DPP10: variants seen among roughly 807,000 people sequenced by gnomAD.
DPP10 encodes dipeptidyl peptidase like 10, also known as inactive dipeptidyl peptidase 10.
A neutral mutation model predicts 120.9 loss-of-function variants in DPP10; 33 were observed. The ratio of observed to expected loss-of-function variants is 0.27; its 90% CI spans 0.21 to 0.37. The LOEUF is 0.37. Ranked by LOEUF, DPP10 falls within the 10% of genes least tolerant of loss-of-function variation. The pLI, the probability that DPP10 is intolerant of heterozygous loss-of-function variation, is 1.00. For synonymous variants in DPP10, 337 were observed against 326.1 expected (o/e 1.03, Z -0.36); for missense variants, 816 against 942.8 (o/e 0.87, Z 1.76).
chr2:114,510,983 G>A (rs992994667), intron 1 of DPP10, among the ~76,000 whole-genome samples: 3 of 152,204 alleles, frequency 2.0e-5, no homozygotes, highest in East Asian at 1.9e-4. Context: ...AGCATTAGAC[G>A]CAAAAGGTAT....
At chr2:115,335,198 C>A (rs1276839438) in intron 2 of DPP10, among the ~76,000 whole-genome samples, 3 of 151,926 alleles carry the variant, frequency 2.0e-5, no homozygotes, top group Non-Finnish European at 4.4e-5. Flanking sequence ...AAGGAAAGAC[C>A]TGACCCCATA....
At chr2:114,698,648 A>G (rs920605538) in intron 1 of DPP10, among the ~76,000 whole-genome samples, 1 of 152,094 alleles carries the variant, frequency 6.6e-6, no homozygotes, top group Non-Finnish European at 1.5e-5. Flanking sequence ...CAGGAGAACA[A>G]GGCTCAATCA....
chr2:114,986,604 C>T (rs539597048), intron 1 of DPP10, among the ~76,000 whole-genome samples: 1 of 152,108 alleles, frequency 6.6e-6, no homozygotes, highest in East Asian at 1.9e-4. Flanking sequence ...AACATGAATT[C>T]ATTTAAAAAA....
At chr2:114,711,147 AC>A (rs1226903001) in intron 1 of DPP10, among the ~76,000 whole-genome samples, 2 of 152,114 alleles carry the variant, frequency 1.3e-5, no homozygotes, top group East Asian at 3.9e-4. Flanking sequence ...TTACCCATTT[AC>A]CCATCAACGT....
In DPP10 at chr2:115,125,568, C is replaced by CTTTTTTTT. The variant is rs57686926; in HGVS notation, c.61-183658_61-183651dup. Among the ~76,000 whole-genome samples the CTTTTTTTT allele has an allele frequency of 8.0e-5, 9 of 112,188 alleles. 1 individual carries two copies. The highest frequency in any genetic ancestry group is 3.1e-4 in the East Asian group (1 of 3,210). 73.6% of individuals were successfully genotyped at this position (112,188 alleles called of 152,430 possible). ...ACCTAAGTTCAATAGATCATAATGG[C>CTTTTTTTT]TTTTTTTTTTTTTTTTTTTTGAGAC... is the stretch of plus-strand genomic sequence containing the variant. On this transcript the variant is annotated intron_variant, in intron 1 of 25. Coordinates refer to ENST00000410059, the MANE Select transcript of DPP10 (RefSeq NM_020868.6).
chr2:115,472,350 A>G (rs1019642859), intron 3 of DPP10, among the ~76,000 whole-genome samples: 1 of 152,216 alleles, frequency 6.6e-6, no homozygotes, highest in Non-Finnish European at 1.5e-5. Context: ...AATATGAACT[A>G]AAAATGCTAT....
intron 1 of DPP10, among the ~76,000 whole-genome samples, chr2:114,644,116 G>C (rs1022051225): frequency 7.0e-5 from 8 of 114,834 alleles, no homozygotes; most frequent in Admixed American, 2.7e-4. Flanking sequence ...TTTTTTTTTT[G>C]TATTTTTAGT....
chr2:114,521,057 T>C (rs1397154879), intron 1 of DPP10, among the ~76,000 whole-genome samples: 2 of 151,682 alleles, frequency 1.3e-5, no homozygotes, highest in Non-Finnish European at 1.5e-5. Flanking sequence ...ACAAGACCCA[T>C]AGAGTAAAGG....
At chr2:115,491,719 C>T (rs1384811880) in intron 3 of DPP10, among the ~76,000 whole-genome samples, 1 of 152,014 alleles carries the variant, frequency 6.6e-6, no homozygotes. Context: ...GTCATGCTGA[C>T]CTTAGCCATT....
At chr2:115,775,689 G>T (rs1416649065) in intron 13 of DPP10, among the ~76,000 whole-genome samples, 1 of 151,970 alleles carries the variant, frequency 6.6e-6, no homozygotes, top group Non-Finnish European at 1.5e-5. Context: ...TATGACATGG[G>T]TATCATCTTG....
chr2:114,822,613 T>G (rs1041152255), intron 1 of DPP10, among the ~76,000 whole-genome samples: 3 of 146,222 alleles, frequency 2.1e-5, no homozygotes, highest in Non-Finnish European at 3.0e-5. Flanking sequence ...TTTCCAAACT[T>G]TTTTTTTTTT....
intron 3 of DPP10, among the ~76,000 whole-genome samples, chr2:115,497,508 A>G (rs373419265): frequency 1.3e-5 from 2 of 152,160 alleles, no homozygotes; most frequent in East Asian, 3.9e-4. Flanking sequence ...TGCTCTATTT[A>G]TCTCCATGAT....
At chr2:114,962,972 A>G (rs568450031) in intron 1 of DPP10, among the ~76,000 whole-genome samples, 5 of 152,212 alleles carry the variant, frequency 3.3e-5, no homozygotes, top group Non-Finnish European at 5.9e-5. Context: ...AGTCTTGTTA[A>G]GTTCCTCAAC....
intron 2 of DPP10, among the ~76,000 whole-genome samples, chr2:115,322,957 A>G (rs2062143849): frequency 6.6e-6 from 1 of 152,176 alleles, no homozygotes; most frequent in Admixed American, 6.5e-5. Flanking sequence ...CTTGATGTTG[A>G]TGACTGCTAA....
intron 3 of DPP10, among the ~76,000 whole-genome samples, chr2:115,380,083 T>C (rs1293853453): frequency 3.9e-5 from 6 of 152,062 alleles, no homozygotes; most frequent in Admixed American, 2.0e-4. Context: ...TGGTGCAGAG[T>C]TGAGTTCAAT....
chr2:115,351,455 A>C (rs960544508), intron 3 of DPP10, among the ~76,000 whole-genome samples: 5 of 152,080 alleles, frequency 3.3e-5, no homozygotes, highest in African/African-American at 9.7e-5. Context: ...GGATCAATGA[A>C]GTCCAAATCT....
At chr2:115,145,946 T>C (rs2051199424) in intron 1 of DPP10, among the ~76,000 whole-genome samples, 1 of 152,190 alleles carries the variant, frequency 6.6e-6, no homozygotes, top group Admixed American at 6.6e-5. Context: ...ATACTACCAC[T>C]GCTGCCATTA....
chr2:114,563,584 T>C (rs1688944425), intron 1 of DPP10, among the ~76,000 whole-genome samples: 1 of 152,150 alleles, frequency 6.6e-6, no homozygotes, highest in African/African-American at 2.4e-5. Flanking sequence ...ATGTAAACAA[T>C]ATTCTATTGA....
intron 5 of DPP10, among the ~76,000 whole-genome samples, chr2:115,679,694 C>A (rs2090516143): frequency 6.6e-6 from 1 of 152,074 alleles, no homozygotes; most frequent in Non-Finnish European, 1.5e-5. Context: ...TTATTTGCAT[C>A]AACATGGATA....
Sources: gnomAD v4.1 joint callset for allele counts (sites outside exome capture counted in the v4.1 genomes callset) on GRCh38, gnomAD v4.1.1 for gene constraint, MANE v1.5 for transcripts, NCBI Gene and HGNC (gene_info 2026-07-23, HGNC 2026-07-21) for gene names.